The following RNLS variants were observed in gnomAD, a reference collection of about 807,000 sequenced individuals.
RNLS encodes the protein renalase, FAD dependent amine oxidase, also known as renalase.
RNLS carries 39 observed loss-of-function variants against 39.8 expected under a neutral mutation model. That is an observed-to-expected ratio of 0.98 (90% CI 0.76 to 1.28). RNLS has a LOEUF of 1.28. RNLS is among the 50% of genes most tolerant of loss of function. The pLI is 0.00. For missense variants in RNLS, 410 were observed against 413.3 expected (o/e 0.99, Z 0.07); for synonymous variants, 147 against 150.7 (o/e 0.98, Z 0.18).
In RNLS at chr10:88,362,670, A is replaced by T. The variant is rs772518401; in HGVS notation, c.582T>A (p.Tyr194Ter). ...QLEAVSYSSR[Y>*]ALGLFYEAGT... ...CAGCTTCATAAAAGAGGCCCAGAGC[A>T]TATCGAGAGGAGTAGCTCACAGCCT... Residue 194 changes from tyrosine (Y) to a stop codon, truncating the protein, a stop_gained, in exon 5 of 7, where the codon TAT becomes TAA. Coordinates refer to ENST00000331772, the MANE Select transcript of RNLS (RefSeq NM_001031709.3). LOFTEE classifies it high-confidence loss of function. The T allele has an allele frequency of 8.7e-6, 14 of 1,613,942 alleles. No homozygotes were observed. In the South Asian group the frequency reaches 1.5e-4, roughly 18 times the overall value.
chr10:88,275,045 G>T, intron 6 of RNLS: 1 of 1,608,764 alleles, frequency 6.2e-7, no homozygotes, highest in Non-Finnish European at 8.5e-7. Context: ...GAAAATCAAA[G>T]GAATATCCTT....
chr10:88,391,385 C>T (rs1852188927), intron 4 of RNLS, among the ~76,000 whole-genome samples: 1 of 152,088 alleles, frequency 6.6e-6, no homozygotes, highest in African/African-American at 2.4e-5. Flanking sequence ...TGGTGAAACC[C>T]CATCTCTACT....
the RNLS span, among the ~76,000 whole-genome samples, chr10:88,206,866 T>C: frequency 6.6e-6 from 1 of 152,234 alleles, no homozygotes; most frequent in East Asian, 1.9e-4. Flanking sequence ...TGACTACAGT[T>C]TCTTATGATA....
At chr10:88,178,174 C>T in the RNLS span, among the ~76,000 whole-genome samples, 4 of 152,284 alleles carry the variant, frequency 2.6e-5, no homozygotes, top group East Asian at 5.8e-4. Context: ...TCAGCTGTAC[C>T]TCTGGGTCCA....
At chr10:88,538,247 G>C (rs565564070) in intron 4 of RNLS, among the ~76,000 whole-genome samples, 1 of 152,152 alleles carries the variant, frequency 6.6e-6, no homozygotes, top group Non-Finnish European at 1.5e-5. Context: ...GCACATAAGG[G>C]AAGATTGACT....
At chr10:88,497,671 TA>T (rs1845247421) in intron 4 of RNLS, among the ~76,000 whole-genome samples, 1 of 151,904 alleles carries the variant, frequency 6.6e-6, no homozygotes, top group Non-Finnish European at 1.5e-5. Flanking sequence ...GATTTTTGTT[TA>T]AAACCAGGAA....
At chr10:88,390,195 T>C (rs1387831164) in intron 4 of RNLS, among the ~76,000 whole-genome samples, 2 of 152,214 alleles carry the variant, frequency 1.3e-5, no homozygotes, top group Non-Finnish European at 2.9e-5. Context: ...GACTCCTTGA[T>C]AAAGCAGCTT....
At chr10:88,549,526 A>G (rs1848510375) in intron 4 of RNLS, among the ~76,000 whole-genome samples, 1 of 152,188 alleles carries the variant, frequency 6.6e-6, no homozygotes. Context: ...TGATTGTGCT[A>G]CTACACTCTA....
chr10:88,392,612 A>T (rs792235), intron 4 of RNLS, among the ~76,000 whole-genome samples: 1 of 152,076 alleles, frequency 6.6e-6, no homozygotes, highest in Non-Finnish European at 1.5e-5. Flanking sequence ...AAGAAATCAC[A>T]TATTAAATAA....
chr10:88,477,972 A>C (rs1843915526), intron 4 of RNLS, among the ~76,000 whole-genome samples: 1 of 152,238 alleles, frequency 6.6e-6, no homozygotes, highest in South Asian at 2.1e-4. Context: ...TTATGAGGCC[A>C]TATGGCCCAG....
intron 5 of RNLS, among the ~76,000 whole-genome samples, chr10:88,349,847 A>G (rs117175619): frequency 0.019 from 2,865 of 152,140 alleles, 40 homozygotes; most frequent in Non-Finnish European, 0.033. Flanking sequence ...AAATAATGAG[A>G]TGAATATTTG....
chr10:88,482,670 T>C (rs948480049), intron 4 of RNLS, among the ~76,000 whole-genome samples: 2 of 152,158 alleles, frequency 1.3e-5, no homozygotes, highest in Admixed American at 1.3e-4. Context: ...TCAGAGGCAA[T>C]TTCTATGATA....
the RNLS span, among the ~76,000 whole-genome samples, chr10:88,244,988 C>T: frequency 2.0e-5 from 3 of 151,974 alleles, no homozygotes; most frequent in Admixed American, 6.5e-5. Flanking sequence ...ACAGTGTCCT[C>T]GTGATCAGTT....
chr10:88,455,452 G>A (rs1467674952), intron 4 of RNLS, among the ~76,000 whole-genome samples: 1 of 152,018 alleles, frequency 6.6e-6, no homozygotes, highest in Non-Finnish European at 1.5e-5. Context: ...TGTTGCCCAG[G>A]CTGGAGTGCA....
At chr10:88,503,514 A>C (rs1280248699) in intron 4 of RNLS, among the ~76,000 whole-genome samples, 1 of 152,204 alleles carries the variant, frequency 6.6e-6, no homozygotes, top group Non-Finnish European at 1.5e-5. Flanking sequence ...AATTATACAA[A>C]CAGATTTATA....
intron 4 of RNLS, among the ~76,000 whole-genome samples, chr10:88,395,937 A>G (rs6586130): frequency 0.32 from 48,431 of 151,874 alleles, 8,889 homozygotes; most frequent in African/African-American, 0.49. Context: ...GTGGCATGAC[A>G]TGCAAAAAGC....
At chr10:88,410,138 C>G (rs1209346836) in intron 4 of RNLS, among the ~76,000 whole-genome samples, 1 of 151,916 alleles carries the variant, frequency 6.6e-6, no homozygotes, top group African/African-American at 2.4e-5. Context: ...ACAATAGTCA[C>G]AAAACAGTAG....
chr10:88,425,119 G>A (rs1854660646), intron 4 of RNLS, among the ~76,000 whole-genome samples: 1 of 152,116 alleles, frequency 6.6e-6, no homozygotes, highest in Non-Finnish European at 1.5e-5. Context: ...GTTACTGAAA[G>A]TTTTGAAGGG....
At chr10:88,421,859 A>G (rs1402178087) in intron 4 of RNLS, among the ~76,000 whole-genome samples, 1 of 151,962 alleles carries the variant, frequency 6.6e-6, no homozygotes, top group Non-Finnish European at 1.5e-5. Flanking sequence ...AACATTCTTT[A>G]TCTTTGACTC....
Sources: gnomAD v4.1 joint callset for allele counts (sites outside exome capture counted in the v4.1 genomes callset) on GRCh38, gnomAD v4.1.1 for gene constraint, MANE v1.5 for transcripts, NCBI Gene and HGNC (gene_info 2026-07-23, HGNC 2026-07-21) for gene names.